IL37: variants seen among roughly 807,000 people sequenced by gnomAD.
IL37 encodes the protein interleukin-37.
IL37 carries 15 observed loss-of-function variants against 15.4 expected under a neutral mutation model. That is an observed-to-expected ratio of 0.98 (90% CI 0.65 to 1.50). The LOEUF (loss-of-function observed/expected upper bound fraction) is 1.50, where lower values mean the gene tolerates loss of function less well. Ranked by LOEUF, IL37 falls within the 40% of genes most tolerant of loss-of-function variation. The pLI is 0.00. For missense variants in IL37, 269 were observed against 261.7 expected, an observed-to-expected ratio of 1.03 and a Z score of -0.19; for synonymous variants, 98 against 97.4, an observed-to-expected ratio of 1.01 and a Z score of -0.03.
At chr2:112,911,501 C>A (rs2708965) in intron 1 of IL37, among the ~76,000 whole-genome samples, 15,141 of 152,212 alleles carry the variant, frequency 0.099, 989 homozygotes, top group African/African-American at 0.17. Flanking sequence ...GGAAATCCAC[C>A]AACCCTGGAA....
chr2:112,917,632 C>G lies in IL37; in HGVS notation c.266-3C>G, dbSNP rs770311732. ...CACACATGTTCTGACTGTCTTTTTC[C>G]AGAGATCTTCTTTGCATTAGCCTCA... On this transcript the variant is annotated splice_polypyrimidine_tract_variant and splice_region_variant and intron_variant, in intron 4 of 5. Coordinates refer to ENST00000263326, the MANE Select transcript of IL37 (RefSeq NM_014439.4). 6.4e-7 allele frequency: 1 copy of G among 1,559,710 alleles called. No individual in the cohort carries two copies. The highest frequency in any genetic ancestry group is 8.7e-7 in the Non-Finnish European group (1 of 1,155,414).
At position 112,913,790 on chromosome 2, in the gene IL37, A is replaced by C; in HGVS notation, c.83-2A>C. 6.2e-7 allele frequency: 1 copy of C among 1,613,580 alleles called. No homozygotes were observed. Among genetic ancestry groups the C allele is most frequent in the African/African-American group, 1.3e-5 (1 of 75,066 alleles). ...TGCTAACCTCACTGCGTCTGACTGC[A>C]GACCCGGCTGGAAGCCCCCTGGAAC... On this transcript the variant is annotated splice_acceptor_variant, in intron 2 of 5. Coordinates refer to ENST00000263326, the MANE Select transcript of IL37 (RefSeq NM_014439.4). LOFTEE classifies it high-confidence loss of function.
At position 112,913,094 on chromosome 2, in the gene IL37, G is replaced by A; in HGVS notation, c.82G>A (p.Asp28Asn). The part of the protein sequence containing the change: ...EKDEPQCCLE[D>N]PAGSPLEPGP... ...AGATGAACCCCAGTGCTGCTTAGAA[G>A]GTAAGGTTCTTGTAGAAATCTACCT... Residue 28 changes from aspartate to asparagine, a missense_variant and splice_region_variant, in exon 2 of 6, where the codon GAC (aspartate) becomes AAC (asparagine). Asp to Asn is a conservative substitution (Grantham distance 23). Coordinates refer to ENST00000263326, the MANE Select transcript of IL37 (RefSeq NM_014439.4). 1 of 1,548,850 alleles carries A rather than the reference G, an allele frequency of 6.5e-7. No individual in the cohort carries two copies. Among genetic ancestry groups the A allele is most frequent in the African/African-American group, 1.4e-5 (1 of 70,444 alleles).
At chr2:112,914,189 G>A (rs1047390291) in intron 3 of IL37, among the ~76,000 whole-genome samples, 3 of 152,276 alleles carry the variant, frequency 2.0e-5, no homozygotes, top group Middle Eastern at 3.4e-3. Context: ...AAACAGCCAT[G>A]GGGCCAGTGG....
At position 112,913,853 on chromosome 2, in the gene IL37, A is replaced by C; in HGVS notation, c.144A>C (p.Thr48=). 2.5e-6 allele frequency: 4 copies of C among 1,613,188 alleles called. No homozygotes were observed. Among genetic ancestry groups the C allele is most frequent in the Non-Finnish European group, 3.4e-6 (4 of 1,179,186 alleles). Residue 48 remains threonine, a splice_region_variant and synonymous_variant, in exon 3 of 6, where the codon ACA becomes ACC. Coordinates refer to ENST00000263326, the MANE Select transcript of IL37 (RefSeq NM_014439.4). ...PSLPTMNFVH[T]SPKVKNLNPK... ...TCCCCACCATGAATTTTGTTCACAC[A>C]AGTAAGGCCTCGGGGTGAGGTGATG... is the stretch of plus-strand genomic sequence containing the variant.
chr2:112,914,739 G>T (rs564145254), intron 3 of IL37, among the ~76,000 whole-genome samples: 1 of 152,202 alleles, frequency 6.6e-6, no homozygotes, highest in East Asian at 1.9e-4. Flanking sequence ...TCTCTGTCGG[G>T]CCTGTCCTGA....
Position 112,917,171 on chromosome 2 carries a change from A to G in IL37, c.188A>G (p.His63Arg). The G allele has an allele frequency of 6.2e-7, 1 of 1,614,138 alleles. No individual in the cohort carries two copies. The highest frequency in any genetic ancestry group is 8.5e-7 in the Non-Finnish European group (1 of 1,179,962). ...TTAAACCCGAAGAAATTCAGCATTC[A>G]TGACCAGGATCACAAAGTACTGGTC... ...KNLNPKKFSIHDQDHKVLVLD... is the reference protein window; with the variant it reads ...KNLNPKKFSIRDQDHKVLVLD... The change falls in exon 4 of 6, where the codon CAT becomes CGT. Residue 63 changes from histidine (H) to arginine (R), a missense_variant. By Grantham distance (29) the His-to-Arg change is conservative. Transcript: ENST00000263326.
intron 1 of IL37, 125 bp from the exon 2 acceptor site, chr2:112,912,838 T>A (rs2708959): frequency 0.079 from 38,279 of 485,672 alleles, 1,924 homozygotes; most frequent in African/African-American, 0.16. Context: ...CTTGGTGCCT[T>A]TCTGGTTGCA....
chr2:112,913,986 A>ACAG, intron 3 of IL37, 132 bp downstream of exon 3: 1 of 704,122 alleles, frequency 1.4e-6, no homozygotes, highest in South Asian at 1.8e-5. Context: ...GATGGGGCTG[A>ACAG]AGTCTTTCCT....
intron 4 of IL37, 90 bp downstream of exon 4, chr2:112,917,338 C>A (rs1683338715): frequency 2.1e-6 from 3 of 1,423,778 alleles, no homozygotes; most frequent in African/African-American, 1.4e-5. Context: ...CTATACCATG[C>A]CCCATCTCCA....
In IL37 at chr2:112,913,056, A is replaced by C; in HGVS notation, c.44A>C (p.Glu15Ala). Residue 15 changes from glutamate (E) to alanine (A), a missense_variant, in exon 2 of 6, where the codon GAG becomes GCG. Glu to Ala is a moderately radical substitution (Grantham distance 107). Coordinates refer to ENST00000263326, the MANE Select transcript of IL37 (RefSeq NM_014439.4). ...AACTCAGGAGTGAAAATGGGCTCTG[A>C]GGACTGGGAAAAAGATGAACCCCAG... ...GENSGVKMGS[E>A]DWEKDEPQCC... The C allele has an allele frequency of 6.4e-7, 1 of 1,573,492 alleles. No individual in the cohort carries two copies.
intron 4 of IL37, 42 bp downstream of exon 4, chr2:112,917,290 A>T (rs1427216746): frequency 1.2e-6 from 2 of 1,609,278 alleles, no homozygotes; most frequent in African/African-American, 1.3e-5. Context: ...TCCACCTAGC[A>T]GGGGTAAGGC....
At chr2:112,915,135 G>T in intron 3 of IL37, 1 of 1,520,632 alleles carries the variant, frequency 6.6e-7, no homozygotes, top group South Asian at 1.1e-5. Flanking sequence ...AGGATCATGA[G>T]CGAGAACACC....
chr2:112,915,704 T>C (rs2723180), intron 3 of IL37, among the ~76,000 whole-genome samples: 2 of 152,136 alleles, frequency 1.3e-5, no homozygotes, highest in Non-Finnish European at 2.9e-5. Context: ...GCAGGGCTGA[T>C]AACCATGGAT....
rs184728003 is a variant in IL37 at position 112,918,737 on chromosome 2, C to T, written c.585C>T (p.Asn195=). The change falls in exon 6 of 6, where the codon AAC becomes AAT. Residue 195 remains asparagine, a synonymous_variant. Coordinates refer to ENST00000263326, the MANE Select transcript of IL37 (RefSeq NM_014439.4). ...TTGGGGTGACAGATAAATTTGAGAA[C>T]AGGAAACACATTGAATTTTCATTTC... ...EPVGVTDKFE[N]RKHIEFSFQP... The T allele has an allele frequency of 1.0e-4, 162 of 1,614,110 alleles. No homozygotes were observed. In the Admixed American group the frequency reaches 1.1e-3, roughly 11 times the overall value.
chr2:112,918,240 A>G (rs761881959), intron 5 of IL37, among the ~76,000 whole-genome samples: 2 of 152,230 alleles, frequency 1.3e-5, no homozygotes, highest in Non-Finnish European at 2.9e-5. Context: ...GCTGAATTAG[A>G]TACAGATCTA....
intron 5 of IL37, 114 bp from the exon 6 acceptor site, chr2:112,918,439 GGACCATCT>G: frequency 8.8e-7 from 1 of 1,133,880 alleles, no homozygotes; most frequent in African/African-American, 1.5e-5. Context: ...TCTTTCCCAA[GGACCATCT>G]GCCTTCTCTC....
chr2:112,912,425 C>A (rs1573309976), intron 1 of IL37, among the ~76,000 whole-genome samples: 2 of 152,166 alleles, frequency 1.3e-5, no homozygotes, highest in South Asian at 2.1e-4. Context: ...TGCAGAGCAA[C>A]TGCTTTTTGT....
At chr2:112,916,432 G>C (rs528935896) in intron 3 of IL37, among the ~76,000 whole-genome samples, 16 of 152,302 alleles carry the variant, frequency 1.1e-4, no homozygotes, top group Admixed American at 3.9e-4. Flanking sequence ...CACGCCCTAA[G>C]AACCCTCTGA....
Sources: gnomAD v4.1 joint callset for allele counts (sites outside exome capture counted in the v4.1 genomes callset) on GRCh38, gnomAD v4.1.1 for gene constraint, MANE v1.5 for transcripts, NCBI Gene and HGNC (gene_info 2026-07-23, HGNC 2026-07-21) for gene names.